NBEA: variants seen among roughly 807,000 people sequenced by gnomAD.
NBEA encodes lysosomal-trafficking regulator 2.
NBEA carries 44 observed loss-of-function variants against 343.4 expected under a neutral mutation model. That is an observed-to-expected ratio of 0.13 (90% CI 0.10 to 0.16). NBEA has a LOEUF of 0.16. NBEA is among the 10% of genes least tolerant of loss of function. NBEA has a pLI of 1.00. For synonymous variants in NBEA, 1,175 were observed against 1,238.7 expected, an observed-to-expected ratio of 0.95 and a Z score of 1.08; for missense variants, 2,555 against 3,631.3, an observed-to-expected ratio of 0.70 and a Z score of 7.62.
chr13:35,592,319 C>T (rs774138783), intron 46 of NBEA, among the ~76,000 whole-genome samples: 1 of 152,078 alleles, frequency 6.6e-6, no homozygotes, highest in African/African-American at 2.4e-5. Context: ...TGAGCAACTT[C>T]TATGTACCAG....
chr13:35,064,956 C>G (rs73483910), intron 8 of NBEA, among the ~76,000 whole-genome samples: 2,429 of 150,494 alleles, frequency 0.016, 68 homozygotes, highest in African/African-American at 0.051. Context: ...TCATAGCAGA[C>G]CCAGCAAGCT....
rs1239959924 is a variant in NBEA at position 35,051,878 on chromosome 13, G to A, written c.972+1483G>A. On this transcript the variant is annotated intron_variant, in intron 6 of 58. Coordinates refer to ENST00000379939, the MANE Select transcript of NBEA (RefSeq NM_001385012.1). ...TCTTCAGACAATTTTAGGAAATGGT[G>A]GTTTAAAGAATGTACAGGCAAACAA... 3.4e-4 allele frequency among the ~76,000 whole-genome samples: 52 copies of A among 151,968 alleles called. 1 individual carries two copies. The highest frequency in any genetic ancestry group is 2.9e-3 in the Admixed American group (44 of 15,210).
chr13:35,602,052 G>T (rs1445288994), intron 47 of NBEA, among the ~76,000 whole-genome samples: 1 of 152,046 alleles, frequency 6.6e-6, no homozygotes, highest in Non-Finnish European at 1.5e-5. Context: ...GACATAGAAA[G>T]GTACCAAAAT....
intron 1 of NBEA, among the ~76,000 whole-genome samples, chr13:35,013,101 G>C (rs957326833): frequency 1.3e-5 from 2 of 152,154 alleles, no homozygotes; most frequent in Admixed American, 1.3e-4. Context: ...CAAATATACT[G>C]ACATCACACA....
At chr13:35,452,627 C>T (rs1358273542) in intron 40 of NBEA, among the ~76,000 whole-genome samples, 2 of 152,124 alleles carry the variant, frequency 1.3e-5, no homozygotes, top group African/African-American at 4.8e-5. Context: ...ATTGAATTTG[C>T]CATTTCCTCC....
intron 1 of NBEA, among the ~76,000 whole-genome samples, chr13:35,022,169 A>G (rs2061866953): frequency 6.6e-6 from 1 of 152,166 alleles, no homozygotes; most frequent in South Asian, 2.1e-4. Flanking sequence ...TCACTTGACT[A>G]CTGGCAGTCA....
intron 28 of NBEA, among the ~76,000 whole-genome samples, chr13:35,178,035 G>A (rs2071038761): frequency 1.3e-5 from 2 of 151,612 alleles, no homozygotes; most frequent in African/African-American, 4.8e-5. Flanking sequence ...AGAAAAATAG[G>A]CAATGGACAC....
intron 36 of NBEA, among the ~76,000 whole-genome samples, chr13:35,311,569 C>G (rs1014765204): frequency 1.3e-5 from 2 of 152,036 alleles, no homozygotes; most frequent in African/African-American, 2.4e-5. Context: ...AAATTTCAAT[C>G]TAGGTTGGGT....
chr13:35,405,925 C>T (rs1482479799), intron 38 of NBEA, among the ~76,000 whole-genome samples: 1 of 151,892 alleles, frequency 6.6e-6, no homozygotes, highest in African/African-American at 2.4e-5. Context: ...ATTATCTTGG[C>T]CCTAAGATTG....
chr13:35,448,705 T>C (rs549324661), intron 39 of NBEA, among the ~76,000 whole-genome samples: 4 of 152,236 alleles, frequency 2.6e-5, no homozygotes, highest in Admixed American at 6.5e-5. Flanking sequence ...TTACGAGGTA[T>C]GGTGGAAGCA....
intron 36 of NBEA, among the ~76,000 whole-genome samples, chr13:35,327,891 C>T (rs574431662): frequency 6.6e-6 from 1 of 151,930 alleles, no homozygotes; most frequent in East Asian, 1.9e-4. Context: ...TTGAAAAAGT[C>T]AGCATCTATT....
intron 33 of NBEA, among the ~76,000 whole-genome samples, chr13:35,229,055 G>A (rs747981591): frequency 1.3e-5 from 2 of 152,086 alleles, no homozygotes; most frequent in African/African-American, 2.4e-5. Context: ...GGCAAAATAG[G>A]GGTCTTGCTC....
intron 18 of NBEA, among the ~76,000 whole-genome samples, chr13:35,144,991 G>A (rs532945671): frequency 1.3e-5 from 2 of 152,298 alleles, no homozygotes; most frequent in East Asian, 3.9e-4. Context: ...CAGATGGTTT[G>A]AGCAGTGGGA....
rs1437667312 is a variant in NBEA, at chr13:35,463,609, G to A, written c.6449-8791G>A. Among the ~76,000 whole-genome samples the A allele has an allele frequency of 1.6e-4, 25 of 151,858 alleles. 1 individual carries two copies. The highest frequency in any genetic ancestry group is 1.6e-3 in the Admixed American group (25 of 15,258). On this transcript the variant is annotated intron_variant, in intron 40 of 58. Transcript: ENST00000379939. ...CACTCCAGCCTGGGTGACACAGTGA[G>A]ACTCCGTCGCAAAAAAAAACAAACC...
chr13:35,236,406 T>TTTTTGTTTTGTTTTG (rs147528572), intron 34 of NBEA, among the ~76,000 whole-genome samples: 27 of 147,176 alleles, frequency 1.8e-4, no homozygotes, highest in Admixed American at 5.4e-4. Flanking sequence ...CATTTAATCC[T>TTTTTGTTTTGTTTTG]TTTTGTTTTG....
chr13:35,647,811 T>C (rs1977321), intron 51 of NBEA, among the ~76,000 whole-genome samples: 122,928 of 152,058 alleles, frequency 0.81, 50,036 homozygotes, highest in East Asian at 0.89. Flanking sequence ...GTGATCTGCC[T>C]GCCTCAGCCT....
intron 31 of NBEA, among the ~76,000 whole-genome samples, chr13:35,199,059 G>A (rs924001879): frequency 6.6e-6 from 1 of 152,076 alleles, no homozygotes; most frequent in Non-Finnish European, 1.5e-5. Flanking sequence ...TTGATTGTCT[G>A]TCAGCCATTC....
intron 41 of NBEA, among the ~76,000 whole-genome samples, chr13:35,494,684 A>G (rs1247312695): frequency 6.6e-6 from 1 of 152,032 alleles, no homozygotes; most frequent in Non-Finnish European, 1.5e-5. Context: ...CAACCATATC[A>G]ATAATAGCAT....
chr13:35,109,209 A>G (rs2066066413), intron 11 of NBEA, 81 bp from the exon 12 acceptor site: 2 of 1,260,514 alleles, frequency 1.6e-6, no homozygotes, highest in East Asian at 2.5e-5. Flanking sequence ...TGAAAAATTC[A>G]TGTGTCCTTA....
Sources: gnomAD v4.1 joint callset for allele counts (sites outside exome capture counted in the v4.1 genomes callset) on GRCh38, gnomAD v4.1.1 for gene constraint, MANE v1.5 for transcripts, NCBI Gene and HGNC (gene_info 2026-07-23, HGNC 2026-07-21) for gene names.